Variants in MBOAT2 observed in about 807,000 individuals in gnomAD.
MBOAT2 encodes the protein membrane bound glycerophospholipid O-acyltransferase 2.
A neutral mutation model predicts 63.4 loss-of-function variants in MBOAT2; 28 were observed. The observed-to-expected ratio is 0.44, with a 90% CI of 0.33 to 0.61. The LOEUF (loss-of-function observed/expected upper bound fraction) is 0.61, where lower values mean the gene tolerates loss of function less well. Ranked by LOEUF, MBOAT2 falls within the 20% of genes least tolerant of loss-of-function variation. The pLI, the probability that MBOAT2 is intolerant of heterozygous loss-of-function variation, is 0.03. For synonymous variants in MBOAT2, 211 were observed against 215.6 expected (o/e 0.98, Z 0.19); for missense variants, 470 against 605.8 (o/e 0.78, Z 2.35).
At chr2:8,911,294 C>A (rs986350249) in intron 3 of MBOAT2, among the ~76,000 whole-genome samples, 6 of 152,146 alleles carry the variant, frequency 3.9e-5, no homozygotes, top group African/African-American at 1.4e-4. Flanking sequence ...GAGCTTGATT[C>A]CCTAATGAAA....
intron 1 of MBOAT2, among the ~76,000 whole-genome samples, chr2:9,002,576 G>A (rs1036171921): frequency 1.3e-5 from 2 of 152,120 alleles, no homozygotes; most frequent in Non-Finnish European, 2.9e-5. Context: ...ACTACCTTTA[G>A]CCTGGGGCTA....
chr2:8,956,125 A>T (rs1218911181), intron 2 of MBOAT2, among the ~76,000 whole-genome samples: 4 of 152,236 alleles, frequency 2.6e-5, no homozygotes, highest in Admixed American at 2.6e-4. Context: ...TCTAGAATCA[A>T]ATCTGTAACA....
chr2:9,003,640 C>CCGCGCCGCT lies in MBOAT2; in HGVS notation c.-35_-27dup. On this transcript the variant is annotated 5_prime_UTR_variant, in exon 1 of 13. Transcript: ENST00000305997. This position sits in a 1 kb window ranked among gnomAD's most constrained non-coding sequence, Gnocchi z 5.4. ...GGCCGGGCCTCGGCGCTCCGGCCGCCCGCGCCGCTCGCCCGCTCGCGCTGT... is the reference window on the plus strand; with the variant it reads ...GGCCGGGCCTCGGCGCTCCGGCCGCCCGCGCCGCTCGCGCCGCTCGCCCGCTCGCGCTGT... 1.7e-6 allele frequency: 2 copies of CCGCGCCGCT among 1,147,710 alleles called. No homozygotes were observed. The highest frequency in any genetic ancestry group is 2.1e-6 in the Non-Finnish European group (2 of 935,762). 71.1% of individuals were successfully genotyped at this position (1,147,710 alleles called of 1,614,324 possible). A position where few individuals can be genotyped will look rare whatever the true frequency, so the allele number is the denominator to read the frequency against.
chr2:8,891,288 G>C (rs891479764), intron 4 of MBOAT2, among the ~76,000 whole-genome samples: 1 of 152,178 alleles, frequency 6.6e-6, no homozygotes, highest in Non-Finnish European at 1.5e-5. Flanking sequence ...AAATAAGAAA[G>C]GATTATAGGA....
intron 4 of MBOAT2, among the ~76,000 whole-genome samples, chr2:8,889,680 G>A (rs1443649254): frequency 1.3e-5 from 2 of 152,174 alleles, no homozygotes; most frequent in South Asian, 4.1e-4. Flanking sequence ...TCACTGGTGA[G>A]TTATAAAATT....
At chr2:8,956,775 G>A (rs188137879) in intron 2 of MBOAT2, among the ~76,000 whole-genome samples, 140 of 152,206 alleles carry the variant, frequency 9.2e-4, no homozygotes, top group Admixed American at 2.4e-3. Context: ...TAACAATGTC[G>A]GGTTACTTGT....
chr2:8,861,099 AAAAAG>A (rs1399051830), intron 11 of MBOAT2: 1 of 157,646 alleles, frequency 6.3e-6, no homozygotes, highest in African/African-American at 2.4e-5. Flanking sequence ...TTTCCAAAAA[AAAAAG>A]AAAAGTTTAA....
At chr2:8,882,600 T>C (rs1663222814) in intron 5 of MBOAT2, 35 bp from the exon 6 acceptor site, 1 of 1,609,044 alleles carries the variant, frequency 6.2e-7, no homozygotes, top group South Asian at 1.1e-5. Flanking sequence ...TCAATTAAGA[T>C]TTCTCCCCAA....
chr2:9,003,671 G>A lies in MBOAT2; in HGVS notation c.-57C>T. 9 of 1,076,602 alleles carry A rather than the reference G, an allele frequency of 8.4e-6. No individual in the cohort carries two copies. Among genetic ancestry groups the A allele is most frequent in the Non-Finnish European group, 9.1e-6 (8 of 881,454 alleles). 66.7% of individuals were successfully genotyped at this position (1,076,602 alleles called of 1,614,324 possible). On this transcript the variant is annotated 5_prime_UTR_variant, in exon 1 of 13. Transcript: ENST00000305997. The surrounding 1 kb of genome is among the most constrained non-coding windows in gnomAD (Gnocchi z 5.4). ...CGCTCGCCCGCTCGCGCTGTGCCGGGCGACGACGAGGATGGGGATGCAGCG... is the reference window on the plus strand; with the variant it reads ...CGCTCGCCCGCTCGCGCTGTGCCGGACGACGACGAGGATGGGGATGCAGCG...
intron 6 of MBOAT2, among the ~76,000 whole-genome samples, chr2:8,879,009 G>A (rs1662909839): frequency 6.7e-6 from 1 of 149,476 alleles, no homozygotes; most frequent in Non-Finnish European, 1.5e-5. Flanking sequence ...CCGGGAGGCG[G>A]AGCTTGCAGT....
At chr2:8,942,695 C>G (rs988592307) in intron 3 of MBOAT2, among the ~76,000 whole-genome samples, 10 of 152,204 alleles carry the variant, frequency 6.6e-5, no homozygotes, top group Non-Finnish European at 1.5e-4. Context: ...CTCTACTCCT[C>G]AAGCTGGAAA....
chr2:8,991,920 G>A (rs561614259), intron 1 of MBOAT2, among the ~76,000 whole-genome samples: 21 of 152,230 alleles, frequency 1.4e-4, no homozygotes, highest in South Asian at 1.0e-3. Context: ...GCTTTCAGAC[G>A]GTCATGCTGT....
chr2:8,997,036 G>A (rs755945502), intron 1 of MBOAT2, among the ~76,000 whole-genome samples: 4 of 152,160 alleles, frequency 2.6e-5, no homozygotes, highest in East Asian at 1.9e-4. Flanking sequence ...TGCCTGTTCC[G>A]ATCTCCTGAA....
In MBOAT2 at chr2:8,857,178, T is replaced by C. The variant is rs564145450; in HGVS notation, c.*1501A>G. ...AGAGAGAGAACCCCATCACAGAAAA[T>C]TTGCATTTCATTAAAAATTTAAGGC... On this transcript the variant is annotated 3_prime_UTR_variant, in exon 13 of 13. Transcript: ENST00000305997. The C allele has an allele frequency of 1.3e-5, 2 of 152,518 alleles. No homozygotes were observed. Among genetic ancestry groups the C allele is most frequent in the South Asian group, 4.2e-4 (2 of 4,810 alleles). 9.4% of individuals were successfully genotyped at this position (152,518 alleles called of 1,614,324 possible).
At chr2:8,863,583 C>T (rs1661644124) in intron 10 of MBOAT2, among the ~76,000 whole-genome samples, 1 of 152,156 alleles carries the variant, frequency 6.6e-6, no homozygotes, top group South Asian at 2.1e-4. Context: ...GTAGGAAGTT[C>T]TTCCCGCATC....
chr2:8,942,426 T>A (rs1668120590), intron 3 of MBOAT2, among the ~76,000 whole-genome samples: 1 of 152,202 alleles, frequency 6.6e-6, no homozygotes, highest in Non-Finnish European at 1.5e-5. Flanking sequence ...GTACATTTTA[T>A]CCATCTGTAT....
chr2:8,919,642 G>C (rs942073015), intron 3 of MBOAT2, among the ~76,000 whole-genome samples: 1 of 152,050 alleles, frequency 6.6e-6, no homozygotes, highest in African/African-American at 2.4e-5. Flanking sequence ...CACATGTTTT[G>C]CAAGTATTTT....
chr2:8,913,894 T>C (rs1335380370), intron 3 of MBOAT2, among the ~76,000 whole-genome samples: 2 of 152,200 alleles, frequency 1.3e-5, no homozygotes, highest in African/African-American at 2.4e-5. Context: ...GCAGCACAAT[T>C]CACGATTGCA....
intron 5 of MBOAT2, among the ~76,000 whole-genome samples, chr2:8,883,276 A>G (rs1256354737): frequency 6.6e-6 from 1 of 152,172 alleles, no homozygotes; most frequent in Non-Finnish European, 1.5e-5. Context: ...AGACAAAACT[A>G]AAAACATGAA....
Sources: gnomAD v4.1 joint callset for allele counts (sites outside exome capture counted in the v4.1 genomes callset) on GRCh38, gnomAD v4.1.1 for gene constraint, Gnocchi (gnomAD v3.1) non-coding constraint, MANE v1.5 for transcripts, NCBI Gene and HGNC (gene_info 2026-07-23, HGNC 2026-07-21) for gene names.